Variants in HIF1AN observed in about 807,000 individuals in gnomAD.
HIF1AN encodes hypoxia-inducible factor 1-alpha inhibitor.
In HIF1AN, 21 loss-of-function variants were observed where a neutral mutation model predicts 47.7. The ratio of observed to expected loss-of-function variants is 0.44; its 90% CI spans 0.31 to 0.63. The LOEUF (loss-of-function observed/expected upper bound fraction) is 0.63, where lower values mean the gene tolerates loss of function less well. Among genes scored for constraint, HIF1AN ranks in the 30% least tolerant of loss-of-function variants. The pLI, the probability that HIF1AN is intolerant of heterozygous loss-of-function variation, is 0.07. For missense variants in HIF1AN, 320 were observed against 432.7 expected (o/e 0.74, Z 2.31); for synonymous variants, 152 against 155.9 (o/e 0.98, Z 0.18).
At chr10:100,543,959 AAGTCTGCTTTGAGGATG>A (rs1843070798) in intron 3 of HIF1AN, among the ~76,000 whole-genome samples, 2 of 152,198 alleles carry the variant, frequency 1.3e-5, no homozygotes, top group Admixed American at 1.3e-4. Flanking sequence ...ATGAGAGAGC[AAGTCTGCTTTGAGGATG>A]CATGTGGACT....
rs955574211 is a variant in HIF1AN at position 100,555,987 on chromosome 10, T to C, written c.*7850T>C. On this transcript the variant is annotated 3_prime_UTR_variant, in exon 8 of 8. Transcript: ENST00000299163. ...GCCCGAAACTTGACTTGTTTATATGTATGGGGAAGACATCATTTACATTGT... is the reference window on the plus strand; with the variant it reads ...GCCCGAAACTTGACTTGTTTATATGCATGGGGAAGACATCATTTACATTGT... 6.6e-6 allele frequency: 1 copy of C among 152,242 alleles called. No homozygotes were observed. The highest frequency in any genetic ancestry group is 2.4e-5 in the African/African-American group (1 of 41,466). 9.4% of individuals were successfully genotyped at this position (152,242 alleles called of 1,614,324 possible).
chr10:100,536,710 TC>T, intron 2 of HIF1AN, 49 bp downstream of exon 2: 1 of 1,603,986 alleles, frequency 6.2e-7, no homozygotes, highest in Non-Finnish European at 8.5e-7. Flanking sequence ...CACTCATTTT[TC>T]TTTCCTATAC....
At chr10:100,544,825 C>T in intron 3 of HIF1AN, 126 bp from the exon 4 acceptor site, 1 of 846,812 alleles carries the variant, frequency 1.2e-6, no homozygotes, top group South Asian at 1.7e-5. Flanking sequence ...CTGATTCTGC[C>T]TAAATTTTGA....
At position 100,553,815 on chromosome 10, in the gene HIF1AN, A is replaced by C. The variant is rs1443182997; in HGVS notation, c.*5678A>C. On this transcript the variant is annotated 3_prime_UTR_variant, in exon 8 of 8. Transcript: ENST00000299163. ...AACATGGGTGGAGGGAGGCATGTTG[A>C]AAATATCTACCTCAGGGTTGTTGGA... The C allele has an allele frequency of 1.3e-5, 2 of 152,220 alleles. No individual in the cohort carries two copies. The highest frequency in any genetic ancestry group is 2.9e-5 in the Non-Finnish European group (2 of 68,044). 9.4% of individuals were successfully genotyped at this position (152,220 alleles called of 1,614,324 possible).
Position 100,540,628 on chromosome 10 carries a change from A to G in HIF1AN, c.429-6A>G. 2 of 1,613,598 alleles carry G rather than the reference A, an allele frequency of 1.2e-6. No homozygotes were observed. Among genetic ancestry groups the G allele is most frequent in the Non-Finnish European group, 1.7e-6 (2 of 1,179,830 alleles). On this transcript the variant is annotated splice_region_variant and splice_polypyrimidine_tract_variant and intron_variant, in intron 2 of 7. Coordinates refer to ENST00000299163, the MANE Select transcript of HIF1AN (RefSeq NM_017902.3). ...ACTAATAGGATTTTCTTCTTGGGGA[A>G]CATAGGTTGTATCTGCAGCAAACGC...
chr10:100,542,845 T>TA lies in HIF1AN; in HGVS notation c.577+2063_577+2064insA, dbSNP rs1397453218. On this transcript the variant is annotated intron_variant, in intron 3 of 7. Coordinates refer to ENST00000299163, the MANE Select transcript of HIF1AN (RefSeq NM_017902.3). ...GCATACACTAATAAATATGTGAATG[T>TA]GTTTTTTTTTTTTTTTTTTTTTTTC... 8.3e-5 allele frequency among the ~76,000 whole-genome samples: 5 copies of TA among 60,308 alleles called. No individual in the cohort carries two copies. In the East Asian group the frequency reaches 1.9e-3, roughly 23 times the overall value. The allele number at this position is 60,308 out of a possible 152,430, so 39.6% of individuals were successfully genotyped here.
In HIF1AN at chr10:100,538,795, T is replaced by C. The variant is rs559166382; in HGVS notation, c.429-1839T>C. Reference sequence around the variant, plus strand: ...AAGATTGCGCCACTGCACTCCAGCCTGGGTGACAGTGAGACTCCGTCTCAA... The same window carrying C: ...AAGATTGCGCCACTGCACTCCAGCCCGGGTGACAGTGAGACTCCGTCTCAA... On this transcript the variant is annotated intron_variant, in intron 2 of 7. Transcript: ENST00000299163. Among the ~76,000 whole-genome samples, 11 of 129,410 alleles carry C rather than the reference T, an allele frequency of 8.5e-5. No individual in the cohort carries two copies. In the South Asian group the frequency reaches 2.1e-3, roughly 24 times the overall value. 84.9% of individuals were successfully genotyped at this position (129,410 alleles called of 152,430 possible). A position where few individuals can be genotyped will look rare whatever the true frequency, so the allele number is the denominator to read the frequency against.
chr10:100,552,410 A>G lies in HIF1AN; in HGVS notation c.*4273A>G, dbSNP rs1476887978. 1.3e-5 allele frequency: 2 copies of G among 152,198 alleles called. No individual in the cohort carries two copies. The highest frequency in any genetic ancestry group is 4.8e-5 in the African/African-American group (2 of 41,442). The allele number at this position is 152,198 out of a possible 1,614,324, so 9.4% of individuals were successfully genotyped here. A position where few individuals can be genotyped will look rare whatever the true frequency, so the allele number is the denominator to read the frequency against. The stretch of plus-strand genomic sequence containing the variant: ...GGAATGACCCTCAGGGACCAGTTTC[A>G]CCCAGATGGGGTAGATGATGAGGTA... On this transcript the variant is annotated 3_prime_UTR_variant, in exon 8 of 8. Coordinates refer to ENST00000299163, the MANE Select transcript of HIF1AN (RefSeq NM_017902.3).
chr10:100,544,675 C>T (rs971951582), intron 3 of HIF1AN, among the ~76,000 whole-genome samples: 2 of 152,180 alleles, frequency 1.3e-5, no homozygotes, highest in African/African-American at 4.8e-5. Context: ...TTGATGTGCT[C>T]TTGCTTCCAG....
At chr10:100,537,355 C>T (rs1221505483) in intron 2 of HIF1AN, among the ~76,000 whole-genome samples, 2 of 152,074 alleles carry the variant, frequency 1.3e-5, no homozygotes, top group Non-Finnish European at 2.9e-5. Context: ...AAAAAAGTTG[C>T]AGGGGGCCAA....
rs777279158 is a variant in HIF1AN at position 100,548,148 on chromosome 10, G to T, written c.*11G>T. ...GGCCGATACAACTAGCCTGCCAGGG[G>T]TCAAGGCCTCCTGCCAGGTGACTGC... On this transcript the variant is annotated 3_prime_UTR_variant, in exon 8 of 8. Transcript: ENST00000299163. 1.9e-6 allele frequency: 3 copies of T among 1,604,328 alleles called. No individual in the cohort carries two copies. The highest frequency in any genetic ancestry group is 2.7e-5 in the African/African-American group (2 of 74,630).
At position 100,552,033 on chromosome 10, in the gene HIF1AN, C is replaced by G. The variant is rs1364808965; in HGVS notation, c.*3896C>G. Reference sequence around the variant, plus strand: ...TGGCTGTGTGGAGGGGCTCTGAGGCCTCTGAGGCCAGATGTGTAAACAGTG... The same window carrying G: ...TGGCTGTGTGGAGGGGCTCTGAGGCGTCTGAGGCCAGATGTGTAAACAGTG... On this transcript the variant is annotated 3_prime_UTR_variant, in exon 8 of 8. Coordinates refer to ENST00000299163, the MANE Select transcript of HIF1AN (RefSeq NM_017902.3). 1 of 152,210 alleles carries G rather than the reference C, an allele frequency of 6.6e-6. No individual in the cohort carries two copies. Among genetic ancestry groups the G allele is most frequent in the African/African-American group, 2.4e-5 (1 of 41,446 alleles). 9.4% of individuals were successfully genotyped at this position (152,210 alleles called of 1,614,324 possible). A position where few individuals can be genotyped will look rare whatever the true frequency, so the allele number is the denominator to read the frequency against.
At chr10:100,545,864 C>A (rs1462787170) in intron 4 of HIF1AN, 79 bp from the exon 5 acceptor site, 76 of 813,320 alleles carry the variant, frequency 9.3e-5, no homozygotes, top group East Asian at 4.0e-4. Flanking sequence ...TTTGTTTTTA[C>A]TGCCAAACTG....
chr10:100,542,435 G>A (rs1322055260), intron 3 of HIF1AN, among the ~76,000 whole-genome samples: 1 of 152,020 alleles, frequency 6.6e-6, no homozygotes, highest in Non-Finnish European at 1.5e-5. Context: ...CTCACTACAA[G>A]CTCCGCCTCC....
At position 100,557,800 on chromosome 10, in the gene HIF1AN, TTAAC is replaced by T. The variant is rs1362138792; in HGVS notation, c.*9671_*9674del. ...TATTGAGAATGAATGAGACAACTCA[TTAAC>T]TAACTAAGTTAATTCAGAACTTAGT... On this transcript the variant is annotated 3_prime_UTR_variant, in exon 8 of 8. Coordinates refer to ENST00000299163, the MANE Select transcript of HIF1AN (RefSeq NM_017902.3). 9 of 90,576 alleles carry T rather than the reference TTAAC, an allele frequency of 9.9e-5. No individual in the cohort carries two copies. The highest frequency in any genetic ancestry group is 2.7e-4 in the African/African-American group (5 of 18,378). 5.6% of individuals were successfully genotyped at this position (90,576 alleles called of 1,614,324 possible). A position where few individuals can be genotyped will look rare whatever the true frequency, so the allele number is the denominator to read the frequency against.
At chr10:100,536,939 GTT>G (rs1398897465) in intron 2 of HIF1AN, among the ~76,000 whole-genome samples, 1 of 152,202 alleles carries the variant, frequency 6.6e-6, no homozygotes, top group Non-Finnish European at 1.5e-5. Flanking sequence ...CTCATAAAGA[GTT>G]AGTTGCCTAG....
In HIF1AN at chr10:100,545,979, A is replaced by C; in HGVS notation, c.760A>C (p.Asn254His). The change falls in exon 5 of 8, where the codon AAT becomes CAT. Residue 254 changes from asparagine (N) to histidine (H), a missense_variant. Asn to His is a moderately conservative substitution (Grantham distance 68). This residue lies in a region of HIF1AN where 161 missense variants were observed against 272.8 expected (regional missense o/e 0.59). Coordinates refer to ENST00000299163, the MANE Select transcript of HIF1AN (RefSeq NM_017902.3). ...FDNPDYERFP[N>H]FQNVVGYETV... is the part of the protein sequence containing the mutation. ...CAATCCCGACTACGAGAGGTTCCCT[A>C]ATTTCCAAAATGTGGTTGGTTACGA... 6.2e-7 allele frequency: 1 copy of C among 1,613,598 alleles called. No homozygotes were observed.
At chr10:100,542,246 T>G (rs1341050911) in intron 3 of HIF1AN, among the ~76,000 whole-genome samples, 1 of 152,194 alleles carries the variant, frequency 6.6e-6, no homozygotes, top group Non-Finnish European at 1.5e-5. Context: ...ATGTGGCACA[T>G]GACTGTACCA....
At position 100,557,854 on chromosome 10, in the gene HIF1AN, T is replaced by TA. The variant is rs1340741139; in HGVS notation, c.*9718dup. 1 of 152,266 alleles carries TA rather than the reference T, an allele frequency of 6.6e-6. No homozygotes were observed. The highest frequency in any genetic ancestry group is 1.5e-5 in the Non-Finnish European group (1 of 68,046). The allele number at this position is 152,266 out of a possible 1,614,324, so 9.4% of individuals were successfully genotyped here. Reference sequence around the variant, plus strand: ...TGCCTAGTAAGTGCTCAGTAAATGTTAGTTTCTTTTCCTCCATTTCTTCTT... The same window carrying TA: ...TGCCTAGTAAGTGCTCAGTAAATGTTAAGTTTCTTTTCCTCCATTTCTTCTT... On this transcript the variant is annotated 3_prime_UTR_variant, in exon 8 of 8. Transcript: ENST00000299163.
Sources: gnomAD v4.1 joint callset for allele counts (sites outside exome capture counted in the v4.1 genomes callset) on GRCh38, gnomAD v4.1.1 for gene constraint, gnomAD v4.1.1 regional missense constraint, MANE v1.5 for transcripts, NCBI Gene and HGNC (gene_info 2026-07-23, HGNC 2026-07-21) for gene names.